Variants in RIPOR3 observed in about 807,000 individuals in gnomAD.
The protein encoded by RIPOR3 is family with sequence similarity 65 member C.
In RIPOR3, 95 loss-of-function variants were observed where a neutral mutation model predicts 114.3. The ratio of observed to expected loss-of-function variants is 0.83; its 90% CI spans 0.70 to 0.99. The LOEUF (loss-of-function observed/expected upper bound fraction) is 0.99. Ranked by LOEUF, RIPOR3 falls within the 50% of genes least tolerant of loss-of-function variation. RIPOR3 has a pLI of 0.00. For synonymous variants in RIPOR3, 575 were observed against 543.8 expected, an observed-to-expected ratio of 1.06 and a Z score of -0.80; for missense variants, 1,252 against 1,266.9, an observed-to-expected ratio of 0.99 and a Z score of 0.18.
chr20:50,646,911 A>G (rs948838267), intron 1 of RIPOR3, among the ~76,000 whole-genome samples: 1 of 152,218 alleles, frequency 6.6e-6, no homozygotes, highest in Non-Finnish European at 1.5e-5. Flanking sequence ...CAATTTTGTA[A>G]TAAAGATCAC....
At chr20:50,606,116 G>A (rs2083704977) in intron 11 of RIPOR3, among the ~76,000 whole-genome samples, 1 of 152,238 alleles carries the variant, frequency 6.6e-6, no homozygotes, top group African/African-American at 2.4e-5. Flanking sequence ...TGAGGCTGGG[G>A]AATCGCTTAA....
intron 11 of RIPOR3, among the ~76,000 whole-genome samples, chr20:50,606,392 A>G (rs1297996409): frequency 2.0e-5 from 3 of 152,174 alleles, no homozygotes; most frequent in African/African-American, 7.2e-5. Flanking sequence ...AATTAACGCA[A>G]TCTTCCTAAA....
chr20:50,663,076 G>A, intron 1 of RIPOR3, among the ~76,000 whole-genome samples: 1 of 138,214 alleles, frequency 7.2e-6, no homozygotes, highest in Non-Finnish European at 1.5e-5. Context: ...CAGCCCGGGT[G>A]ACAGAGAGAG....
At chr20:50,613,788 A>AG (rs2123103588) in intron 4 of RIPOR3, among the ~76,000 whole-genome samples, 1 of 152,310 alleles carries the variant, frequency 6.6e-6, no homozygotes, top group South Asian at 2.1e-4. Flanking sequence ...ATGTGAGAAG[A>AG]GGGGCAGGTG....
chr20:50,600,070 C>G, intron 13 of RIPOR3, among the ~76,000 whole-genome samples: 1 of 152,220 alleles, frequency 6.6e-6, no homozygotes, highest in East Asian at 1.9e-4. Context: ...TCAGCTAATT[C>G]TTTTGTCTTT....
chr20:50,604,629 G>A lies in RIPOR3; in HGVS notation c.1086+16C>T, dbSNP rs372846147. 4.0e-4 allele frequency: 632 copies of A among 1,599,988 alleles called. 3 individuals are homozygous for A. The highest frequency in any genetic ancestry group is 3.5e-4 in the Admixed American group (20 of 57,444). ...AGGGTGACCACAGCGGCCCTGCCCC[G>A]GGAAGGCTCACTCACCAGGTAGTAT... On this transcript the variant is annotated intron_variant, in intron 12 of 21. Coordinates refer to ENST00000327979, the MANE Select transcript of RIPOR3 (RefSeq NM_001290268.2).
chr20:50,589,994 A>G (rs1462441282), intron 19 of RIPOR3: 1 of 456,134 alleles, frequency 2.2e-6, no homozygotes, highest in Non-Finnish European at 4.0e-6. Context: ...GGGCTAATAC[A>G]ATGAAGAAAG....
chr20:50,630,843 G>A lies in RIPOR3; in HGVS notation c.17C>T (p.Ser6Leu), dbSNP rs1283653254. The A allele has an allele frequency of 1.9e-6, 3 of 1,602,956 alleles. No homozygotes were observed. The highest frequency in any genetic ancestry group is 2.2e-5 in the South Asian group (2 of 89,170). MVTTM[S>L]VRLRFLSPGD... The stretch of plus-strand genomic sequence containing the variant: ...AGGGGACAGGAACCGCAACCTCACC[G>A]ACATGGTGGTCACCTGCAAGGAGAG... The change falls in exon 2 of 22, where the codon TCG becomes TTG. Residue 6 changes from serine (S) to leucine (L), a missense_variant. Transcript: ENST00000327979.
intron 11 of RIPOR3, among the ~76,000 whole-genome samples, chr20:50,607,478 T>G (rs1439908550): frequency 6.6e-6 from 1 of 152,202 alleles, no homozygotes; most frequent in African/African-American, 2.4e-5. Context: ...TCGTGGCACC[T>G]GGGCCTGGCC....
chr20:50,632,575 T>C (rs1052185911), intron 1 of RIPOR3, among the ~76,000 whole-genome samples: 1 of 152,192 alleles, frequency 6.6e-6, no homozygotes, highest in Non-Finnish European at 1.5e-5. Context: ...CATGAGTGGC[T>C]ACGAATCCAT....
chr20:50,681,684 A>T (rs538865058), intron 1 of RIPOR3, among the ~76,000 whole-genome samples: 7 of 152,318 alleles, frequency 4.6e-5, no homozygotes, highest in African/African-American at 1.7e-4. Context: ...CGGACCAAGG[A>T]TTCGCCCCTT....
chr20:50,670,933 T>C (rs372609934), intron 1 of RIPOR3, among the ~76,000 whole-genome samples: 11 of 152,108 alleles, frequency 7.2e-5, no homozygotes, highest in Admixed American at 3.3e-4. Flanking sequence ...TATTTATTTA[T>C]TTGATTTATT....
At chr20:50,612,111 C>G (rs6012974) in intron 4 of RIPOR3, among the ~76,000 whole-genome samples, 3,086 of 143,452 alleles carry the variant, frequency 0.022, 119 homozygotes, top group African/African-American at 0.077. Context: ...GGTGACAGAG[C>G]GAGACTCCAT....
Position 50,602,081 on chromosome 20 carries a change from G to A in RIPOR3, c.1650C>T (p.Asp550=). 1 of 1,565,394 alleles carries A rather than the reference G, an allele frequency of 6.4e-7. No homozygotes were observed. Among genetic ancestry groups the A allele is most frequent in the Admixed American group, 1.9e-5 (1 of 53,288 alleles). ...GGCGGGGTGGCCATACCTTCAGCCG[G>A]TCCCGGAAGCCGAGGACCTGGTACT... ...ELEYQVLGFR[D]RLKPCRARQE... The change falls in exon 13 of 22, where the codon GAC becomes GAT. Residue 550 remains aspartate (D), a synonymous_variant. Transcript: ENST00000327979. This position sits in a 1 kb window ranked among gnomAD's most constrained non-coding sequence, Gnocchi z 4.3.
At chr20:50,648,514 C>A (rs1031448275) in intron 1 of RIPOR3, among the ~76,000 whole-genome samples, 1 of 145,556 alleles carries the variant, frequency 6.9e-6, no homozygotes, top group Admixed American at 6.9e-5. Context: ...TTCCACTGAC[C>A]AGGGTGGGGG....
At chr20:50,643,034 C>A (rs556300713) in intron 1 of RIPOR3, among the ~76,000 whole-genome samples, 23 of 151,360 alleles carry the variant, frequency 1.5e-4, no homozygotes, top group Non-Finnish European at 3.1e-4. Context: ...GGCAACAAGA[C>A]CGAAACTCCA....
chr20:50,663,401 G>T (rs985165688), intron 1 of RIPOR3, among the ~76,000 whole-genome samples: 1 of 152,194 alleles, frequency 6.6e-6, no homozygotes. Context: ...TGGCACAGTG[G>T]CTACTAGCCA....
At chr20:50,681,241 A>G (rs1243305152) in intron 1 of RIPOR3, among the ~76,000 whole-genome samples, 35 of 119,906 alleles carry the variant, frequency 2.9e-4, no homozygotes, top group South Asian at 1.5e-3. Flanking sequence ...AAAAAAAAAA[A>G]AGAAAAGAAA....
chr20:50,629,785 T>C (rs1373833567), intron 2 of RIPOR3, among the ~76,000 whole-genome samples: 2 of 152,094 alleles, frequency 1.3e-5, no homozygotes, highest in Non-Finnish European at 2.9e-5. Context: ...AGAGGTGAGG[T>C]CACTTGCCCC....
Sources: allele counts gnomAD v4.1 joint callset (sites outside exome capture counted in the v4.1 genomes callset), GRCh38; gene constraint gnomAD v4.1.1; non-coding constraint Gnocchi (gnomAD v3.1); transcripts MANE v1.5; gene names NCBI Gene and HGNC (gene_info 2026-07-23, HGNC 2026-07-21).